NR6A1: variants seen among roughly 807,000 people sequenced by gnomAD.
The protein encoded by NR6A1 is retinoic acid receptor-related testis-associated receptor.
A neutral mutation model predicts 59.1 loss-of-function variants in NR6A1; 7 were observed. The ratio of observed to expected loss-of-function variants is 0.12; its 90% CI spans 0.07 to 0.22. The LOEUF (loss-of-function observed/expected upper bound fraction) is 0.22. NR6A1 is among the 10% of genes least tolerant of loss of function. The pLI is 1.00. For missense variants in NR6A1, 468 were observed against 611.6 expected (o/e 0.77, Z 2.48); for synonymous variants, 243 against 236.1 (o/e 1.03, Z -0.27).
At chr9:124,590,916 T>A (rs566384699) in intron 2 of NR6A1, among the ~76,000 whole-genome samples, 36 of 152,322 alleles carry the variant, frequency 2.4e-4, no homozygotes, top group Non-Finnish European at 4.0e-4. Context: ...CCCCTCTCCA[T>A]TTTCTTCCAA....
At chr9:124,715,218 A>G (rs1291801100) in intron 2 of NR6A1, among the ~76,000 whole-genome samples, 1 of 151,056 alleles carries the variant, frequency 6.6e-6, no homozygotes, top group Non-Finnish European at 1.5e-5. Flanking sequence ...AAAAAAAAAG[A>G]AGACTCAAGA....
In NR6A1 at chr9:124,771,082, C is replaced by T. The variant is rs1841145001; in HGVS notation, c.38G>A (p.Gly13Asp). Reference protein sequence around the residue: ...RDEPPPSGGGGGGGSAGFLEP... With the variant: ...RDEPPPSGGGDGGGSAGFLEP... Reference sequence around the variant, plus strand: ...CAGGAACCCCGCCGAGCCCCCGCCGCCTCCCCCTCCGCTAGGCGGCGGTTC... The same window carrying T: ...CAGGAACCCCGCCGAGCCCCCGCCGTCTCCCCCTCCGCTAGGCGGCGGTTC... Residue 13 changes from glycine to aspartate, a missense_variant, in exon 1 of 10, where the codon GGC (glycine) becomes GAC (aspartate). Gly to Asp is a moderately conservative substitution (Grantham distance 94). Around this residue, in one of 4 missense-constraint regions of NR6A1, gnomAD observed 75 missense variants for 65.6 expected, o/e 1.14. Coordinates refer to ENST00000487099, the MANE Select transcript of NR6A1 (RefSeq NM_033334.4). 6 of 1,230,394 alleles carry T rather than the reference C, an allele frequency of 4.9e-6. No homozygotes were observed. Among genetic ancestry groups the T allele is most frequent in the Non-Finnish European group, 4.1e-6 (4 of 986,954 alleles). The allele number at this position is 1,230,394 out of a possible 1,614,324, so 76.2% of individuals were successfully genotyped here. A position where few individuals can be genotyped will look rare whatever the true frequency, so the allele number is the denominator to read the frequency against.
At chr9:124,591,690 T>C (rs989621445) in intron 2 of NR6A1, among the ~76,000 whole-genome samples, 3 of 152,292 alleles carry the variant, frequency 2.0e-5, no homozygotes, top group South Asian at 2.1e-4. Flanking sequence ...TGGATCACAG[T>C]GTGAGCATCA....
intron 2 of NR6A1, among the ~76,000 whole-genome samples, chr9:124,713,967 A>C (rs903565778): frequency 6.6e-6 from 1 of 152,246 alleles, no homozygotes; most frequent in East Asian, 1.9e-4. Context: ...CATTATTCAC[A>C]ATAACCAAAT....
intron 1 of NR6A1, among the ~76,000 whole-genome samples, chr9:124,738,591 G>A (rs772672934): frequency 9.2e-5 from 14 of 152,220 alleles, no homozygotes; most frequent in Middle Eastern, 3.4e-3. Flanking sequence ...CACGGGGGCC[G>A]GGCACAATCG....
At chr9:124,608,178 A>G (rs767435842) in intron 2 of NR6A1, among the ~76,000 whole-genome samples, 2 of 152,240 alleles carry the variant, frequency 1.3e-5, no homozygotes, top group African/African-American at 2.4e-5. Flanking sequence ...GTTTCAGGGT[A>G]CATGTGCAGG....
At chr9:124,686,485 T>C (rs1838334051) in intron 2 of NR6A1, among the ~76,000 whole-genome samples, 1 of 152,224 alleles carries the variant, frequency 6.6e-6, no homozygotes, top group Non-Finnish European at 1.5e-5. Flanking sequence ...CTTTTACAGC[T>C]TTATATTCCC....
chr9:124,567,950 T>C (rs1475904303), intron 2 of NR6A1, among the ~76,000 whole-genome samples: 1 of 115,966 alleles, frequency 8.6e-6, no homozygotes, highest in Non-Finnish European at 1.7e-5. Flanking sequence ...CCAGGGCGGG[T>C]GGATCACGAG....
chr9:124,715,560 A>G (rs1839395484), intron 2 of NR6A1, among the ~76,000 whole-genome samples: 1 of 152,138 alleles, frequency 6.6e-6, no homozygotes, highest in Non-Finnish European at 1.5e-5. Context: ...AAATTTTAAA[A>G]AATTTAAAAG....
intron 2 of NR6A1, among the ~76,000 whole-genome samples, chr9:124,594,121 A>G (rs1301630575): frequency 6.8e-6 from 1 of 148,132 alleles, no homozygotes; most frequent in Non-Finnish European, 1.5e-5. Context: ...CCTCTTTTGT[A>G]AGCAGTTGAT....
intron 2 of NR6A1, among the ~76,000 whole-genome samples, chr9:124,621,950 G>A (rs759749147): frequency 1.1e-4 from 16 of 152,044 alleles, no homozygotes; most frequent in Non-Finnish European, 1.6e-4. Context: ...ATGGTGGCTC[G>A]TGCCTATAAT....
At position 124,729,810 on chromosome 9, in the gene NR6A1, A is replaced by AAT. The variant is rs1399036075; in HGVS notation, c.142+3496_142+3497dup. Among the ~76,000 whole-genome samples the AAT allele has an allele frequency of 2.0e-5, 3 of 151,152 alleles. No homozygotes were observed. In the East Asian group the frequency reaches 5.8e-4, roughly 29 times the overall value. The stretch of plus-strand genomic sequence containing the variant: ...ACTGAAATAAAATTTTATTTTGTCT[A>AAT]ATTTTTTTTTTTTTTTTTTGAGACG... On this transcript the variant is annotated intron_variant, in intron 2 of 9. Transcript: ENST00000487099.
At chr9:124,630,963 A>G (rs1836424882) in intron 2 of NR6A1, among the ~76,000 whole-genome samples, 1 of 152,006 alleles carries the variant, frequency 6.6e-6, no homozygotes, top group Non-Finnish European at 1.5e-5. Flanking sequence ...GTGAGCCACT[A>G]TGCCGGGCCC....
intron 2 of NR6A1, among the ~76,000 whole-genome samples, chr9:124,727,604 C>T (rs968525724): frequency 3.9e-5 from 6 of 152,182 alleles, no homozygotes; most frequent in African/African-American, 1.4e-4. Context: ...ACTTCAAATT[C>T]AGCAGGCCAG....
chr9:124,755,506 C>T (rs1341914638), intron 1 of NR6A1, among the ~76,000 whole-genome samples: 2 of 152,210 alleles, frequency 1.3e-5, no homozygotes, highest in African/African-American at 2.4e-5. Flanking sequence ...ATCTGCTTTA[C>T]TGCTGGACTC....
intron 2 of NR6A1, among the ~76,000 whole-genome samples, chr9:124,606,776 C>T (rs927842038): frequency 3.3e-5 from 5 of 152,192 alleles, no homozygotes; most frequent in Non-Finnish European, 7.3e-5. Flanking sequence ...AGGGTATGTG[C>T]CATCACCCGC....
chr9:124,697,473 T>C (rs1386596344), intron 2 of NR6A1, among the ~76,000 whole-genome samples: 1 of 151,964 alleles, frequency 6.6e-6, no homozygotes, highest in African/African-American at 2.4e-5. Context: ...GGAACTTCCT[T>C]GAGGAAGTGA....
chr9:124,610,582 C>G (rs990071181), intron 2 of NR6A1, among the ~76,000 whole-genome samples: 1 of 152,056 alleles, frequency 6.6e-6, no homozygotes, highest in Admixed American at 6.5e-5. Flanking sequence ...GTATCTCTGC[C>G]AGGTTTTGGT....
chr9:124,658,854 A>AT (rs1246561486), intron 2 of NR6A1: 1 of 151,932 alleles, frequency 6.6e-6, no homozygotes. Flanking sequence ...CTGTCAGTGG[A>AT]TTTTTTCGTC....
Sources: gnomAD v4.1 joint callset for allele counts (sites outside exome capture counted in the v4.1 genomes callset) on GRCh38, gnomAD v4.1.1 for gene constraint, gnomAD v4.1.1 regional missense constraint, MANE v1.5 for transcripts, NCBI Gene and HGNC (gene_info 2026-07-23, HGNC 2026-07-21) for gene names.